DCDC1: variants seen among roughly 807,000 people sequenced by gnomAD.
DCDC1 encodes doublecortin domain containing 1.
A neutral mutation model predicts 178.3 loss-of-function variants in DCDC1; 200 were observed. The observed-to-expected ratio is 1.12, with a 90% CI of 1.00 to 1.26. DCDC1 has a LOEUF of 1.26. DCDC1 is among the 50% of genes most tolerant of loss of function. DCDC1 has a pLI of 0.00. For missense variants in DCDC1, 1,983 were observed against 1,749.2 expected (o/e 1.13, Z -2.38); for synonymous variants, 690 against 604.8 (o/e 1.14, Z -2.07).
intron 7 of DCDC1, among the ~76,000 whole-genome samples, chr11:31,275,233 A>G (rs1361316199): frequency 1.3e-5 from 2 of 152,210 alleles, no homozygotes; most frequent in Non-Finnish European, 1.5e-5. Context: ...GACTGCTTTT[A>G]TAAAATTATG....
intron 1 of DCDC1, among the ~76,000 whole-genome samples, chr11:31,348,391 G>A (rs998726910): frequency 2.6e-5 from 4 of 152,108 alleles, no homozygotes; most frequent in Non-Finnish European, 5.9e-5. Flanking sequence ...TTCCAAGACA[G>A]AAAACAGTCA....
intron 11 of DCDC1, among the ~76,000 whole-genome samples, chr11:31,119,176 CTT>C (rs1403094895): frequency 6.6e-6 from 1 of 152,138 alleles, no homozygotes; most frequent in East Asian, 1.9e-4. Context: ...GGATCTGTTT[CTT>C]TACCTTTAAA....
rs551802836 is a variant in DCDC1 at position 30,903,822 on chromosome 11, C to T, written c.4309-139G>A. 19 of 741,446 alleles carry T rather than the reference C, an allele frequency of 2.6e-5. No homozygotes were observed. In the African/African-American group the frequency reaches 3.2e-4, roughly 13 times the overall value. 45.9% of individuals were successfully genotyped at this position (741,446 alleles called of 1,614,324 possible). On this transcript the variant is annotated intron_variant, in intron 31 of 38. Transcript: ENST00000684477. ...ATAGAAAGCTGAATTACTAATGATG[C>T]TGATCTTTGATTACAGACTATTTTG... is the stretch of plus-strand genomic sequence containing the variant.
At chr11:31,353,141 A>C (rs1168466730) in intron 1 of DCDC1, among the ~76,000 whole-genome samples, 1 of 152,228 alleles carries the variant, frequency 6.6e-6, no homozygotes. Flanking sequence ...AGTAAATTTG[A>C]CTTGCAAACC....
intron 20 of DCDC1, among the ~76,000 whole-genome samples, chr11:30,995,013 A>AT (rs1951183019): frequency 6.6e-6 from 1 of 151,708 alleles, no homozygotes; most frequent in Admixed American, 6.6e-5. Context: ...AGACAATATG[A>AT]TTATCTTTAA....
intron 2 of DCDC1, among the ~76,000 whole-genome samples, chr11:31,333,205 C>T (rs1950092743): frequency 6.6e-6 from 1 of 151,976 alleles, no homozygotes. Context: ...GTTTGCAACC[C>T]CTGCTCTTTT....
chr11:31,119,240 A>G (rs559549497), intron 11 of DCDC1, among the ~76,000 whole-genome samples: 1 of 152,328 alleles, frequency 6.6e-6, no homozygotes, highest in African/African-American at 2.4e-5. Context: ...ATGAAAATTG[A>G]TCATCTTCAT....
chr11:31,061,904 G>A (rs912154057), intron 20 of DCDC1, among the ~76,000 whole-genome samples: 3 of 151,930 alleles, frequency 2.0e-5, no homozygotes, highest in Non-Finnish European at 2.9e-5. Context: ...CTTTTTTGGC[G>A]TCACTTTTTC....
chr11:31,143,079 A>G (rs117422242), intron 9 of DCDC1, among the ~76,000 whole-genome samples: 3,244 of 152,270 alleles, frequency 0.021, 60 homozygotes, highest in Non-Finnish European at 0.028. Context: ...GGTTAAGGAG[A>G]CAATTAAAAA....
chr11:31,341,735 C>G (rs1429850686), intron 1 of DCDC1, among the ~76,000 whole-genome samples: 2 of 151,776 alleles, frequency 1.3e-5, no homozygotes, highest in Non-Finnish European at 2.9e-5. Context: ...TTTTTCAGCT[C>G]CATTATAATC....
At chr11:30,998,277 A>G (rs1239806683) in intron 20 of DCDC1, among the ~76,000 whole-genome samples, 2 of 152,130 alleles carry the variant, frequency 1.3e-5, no homozygotes, top group African/African-American at 4.8e-5. Context: ...GGGCAATAGA[A>G]TGAAACCTGG....
intron 20 of DCDC1, among the ~76,000 whole-genome samples, chr11:30,987,428 C>A (rs546444484): frequency 6.6e-6 from 1 of 152,272 alleles, no homozygotes; most frequent in East Asian, 1.9e-4. Context: ...GGGATACAGA[C>A]ATGAACAAGA....
At chr11:31,270,585 T>C (rs918797647) in intron 7 of DCDC1, among the ~76,000 whole-genome samples, 2 of 152,196 alleles carry the variant, frequency 1.3e-5, no homozygotes, top group African/African-American at 4.8e-5. Context: ...CACAACCTCT[T>C]TTAAAAGAAA....
chr11:31,294,320 C>T, intron 6 of DCDC1, among the ~76,000 whole-genome samples: 1 of 151,888 alleles, frequency 6.6e-6, no homozygotes, highest in Non-Finnish European at 1.5e-5. Context: ...TGGCTCATGC[C>T]TGTAATTACC....
chr11:31,046,657 G>GA lies in DCDC1; in HGVS notation c.2591+17811dup, dbSNP rs891683025. On this transcript the variant is annotated intron_variant, in intron 20 of 38. Transcript: ENST00000684477. ...ATGTGCAATTAAGGGTAGAAAAAGA[G>GA]AAAAAAAAATTCTGGTTGCTTCCAG... Among the ~76,000 whole-genome samples, 20 of 149,158 alleles carry GA rather than the reference G, an allele frequency of 1.3e-4. No individual in the cohort carries two copies. The East Asian group carries it at 2.0e-3, about 15-fold the overall frequency.
chr11:31,019,472 G>A (rs1035629991), intron 20 of DCDC1, among the ~76,000 whole-genome samples: 1 of 152,168 alleles, frequency 6.6e-6, no homozygotes, highest in Non-Finnish European at 1.5e-5. Flanking sequence ...AAGAGTACCA[G>A]GGTTAATGTG....
At chr11:30,898,484 G>T (rs1361950898) in intron 34 of DCDC1, among the ~76,000 whole-genome samples, 1 of 152,178 alleles carries the variant, frequency 6.6e-6, no homozygotes, top group Non-Finnish European at 1.5e-5. Flanking sequence ...CTTGGGGAAG[G>T]TGAGAGAGAG....
chr11:31,054,909 C>T (rs1010097397), intron 20 of DCDC1, among the ~76,000 whole-genome samples: 5 of 151,976 alleles, frequency 3.3e-5, no homozygotes, highest in African/African-American at 1.2e-4. Context: ...GAAAAAAACC[C>T]TCTAGACATT....
chr11:31,045,344 C>T (rs1309150771), intron 20 of DCDC1, among the ~76,000 whole-genome samples: 1 of 151,718 alleles, frequency 6.6e-6, no homozygotes, highest in South Asian at 2.1e-4. Context: ...CAAAATCCTT[C>T]CCTCTCCCTC....
Sources: allele counts gnomAD v4.1 joint callset (sites outside exome capture counted in the v4.1 genomes callset), GRCh38; gene constraint gnomAD v4.1.1; transcripts MANE v1.5; gene names NCBI Gene and HGNC (gene_info 2026-07-23, HGNC 2026-07-21).